HOOK1: variants seen among roughly 807,000 people sequenced by gnomAD.
The protein encoded by HOOK1 is protein Hook homolog 1.
A neutral mutation model predicts 112.8 loss-of-function variants in HOOK1; 60 were observed. That is an observed-to-expected ratio of 0.53 (90% CI 0.43 to 0.66). The LOEUF (loss-of-function observed/expected upper bound fraction) is 0.66. Ranked by LOEUF, HOOK1 falls within the 30% of genes least tolerant of loss-of-function variation. The probability of loss-of-function intolerance (pLI) is 0.00; values close to 1 mark genes in which losing one functional copy is unlikely to be tolerated. For synonymous variants in HOOK1, 294 were observed against 283.8 expected (o/e 1.04, Z -0.36); for missense variants, 770 against 856.0 (o/e 0.90, Z 1.25).
chr1:59,828,669 T>C, intron 2 of HOOK1, 111 bp from the exon 3 acceptor site: 1 of 762,668 alleles, frequency 1.3e-6, no homozygotes, highest in Non-Finnish European at 2.1e-6. Context: ...TTCAGTATTG[T>C]TATTAAGGAT....
intron 3 of HOOK1, among the ~76,000 whole-genome samples, chr1:59,829,789 C>T (rs1388017884): frequency 2.6e-5 from 4 of 151,702 alleles, no homozygotes; most frequent in Non-Finnish European, 5.9e-5. Context: ...TTAACCTGTT[C>T]TTCTTTTTCT....
At chr1:59,851,185 G>A (rs1574207469) in intron 12 of HOOK1, among the ~76,000 whole-genome samples, 1 of 151,408 alleles carries the variant, frequency 6.6e-6, no homozygotes, top group African/African-American at 2.4e-5. Context: ...TGTGAATCTT[G>A]AAATCAGCTT....
intron 12 of HOOK1, among the ~76,000 whole-genome samples, chr1:59,852,651 C>G (rs1390398132): frequency 6.7e-6 from 1 of 149,586 alleles, no homozygotes; most frequent in Non-Finnish European, 1.5e-5. Context: ...TATTTTTACT[C>G]TAATCTTTAA....
intron 2 of HOOK1, among the ~76,000 whole-genome samples, chr1:59,827,490 CT>C (rs766438013): frequency 9.2e-5 from 14 of 152,150 alleles, no homozygotes; most frequent in Non-Finnish European, 1.6e-4. Flanking sequence ...ACAGTTTTGA[CT>C]CATTAACTCG....
chr1:59,858,474 T>C lies in HOOK1; in HGVS notation c.1289T>C (p.Leu430Pro), dbSNP rs1486174763. The change falls in exon 13 of 22, where the codon CTT becomes CCT. Residue 430 changes from leucine to proline, a missense_variant. Coordinates refer to ENST00000371208, the MANE Select transcript of HOOK1 (RefSeq NM_015888.6). ...RDTLKETNEE[L>P]RCSQVQQDHL... is the part of the protein sequence containing the mutation. ...ACTTTGAAAGAAACAAATGAAGAGC[T>C]TCGATGTTCACAAGTACAACAGGAC... 1 of 1,613,544 alleles carries C rather than the reference T, an allele frequency of 6.2e-7. No homozygotes were observed. The highest frequency in any genetic ancestry group is 8.5e-7 in the Non-Finnish European group (1 of 1,179,498).
chr1:59,815,106 G>C lies in HOOK1; in HGVS notation c.-12G>C. The C allele has an allele frequency of 1.3e-6, 2 of 1,539,618 alleles. No individual in the cohort carries two copies. Among genetic ancestry groups the C allele is most frequent in the Non-Finnish European group, 1.7e-6 (2 of 1,146,268 alleles). On this transcript the variant is annotated 5_prime_UTR_variant, in exon 1 of 22. Transcript: ENST00000371208. ...GAAGGTGTCCGCGGCGTCGTCGACGGCGGCGCCGGCCATGGAGGAGACGCA... is the reference window on the plus strand; with the variant it reads ...GAAGGTGTCCGCGGCGTCGTCGACGCCGGCGCCGGCCATGGAGGAGACGCA...
At chr1:59,869,520 G>A (rs140137935) in intron 20 of HOOK1, among the ~76,000 whole-genome samples, 164 of 152,168 alleles carry the variant, frequency 1.1e-3, no homozygotes, top group African/African-American at 3.8e-3. Context: ...AATCATCTAG[G>A]AATGTTATAT....
rs1335898824 is a variant in HOOK1, at chr1:59,836,930, C to G, written c.532C>G (p.Gln178Glu). ...PPNDAVGELE[Q>E]QLKRALEELQ... ...AAATGATGCTGTTGGAGAATTGGAGCAACAGGTGAGTATTTTAGTATGGAA... is the reference window on the plus strand; with the variant it reads ...AAATGATGCTGTTGGAGAATTGGAGGAACAGGTGAGTATTTTAGTATGGAA... The change falls in exon 7 of 22, where the codon CAA (glutamine) becomes GAA (glutamate). Residue 178 changes from glutamine to glutamate, a missense_variant. This residue lies in a region of HOOK1 where 655 missense variants were observed against 725.9 expected (regional missense o/e 0.90). Coordinates refer to ENST00000371208, the MANE Select transcript of HOOK1 (RefSeq NM_015888.6). The G allele has an allele frequency of 5.0e-6, 8 of 1,591,022 alleles. No individual in the cohort carries two copies. Among genetic ancestry groups the G allele is most frequent in the Non-Finnish European group, 6.9e-6 (8 of 1,162,766 alleles).
rs41312662 is a variant in HOOK1, at chr1:59,833,453, A to G, written c.322A>G (p.Ile108Val). ...SEALIPDLNQ[I>V]TECSDPVELG... Reference sequence around the variant, plus strand: ...AGCACTTATCCCTGATTTAAACCAAATAACCGAATGTTCAGATCCAGTGGA... The same window carrying G: ...AGCACTTATCCCTGATTTAAACCAAGTAACCGAATGTTCAGATCCAGTGGA... The change falls in exon 5 of 22, where the codon ATA (isoleucine) becomes GTA (valine). Residue 108 changes from isoleucine (I) to valine (V), a missense_variant. Around this residue, in one of 3 missense-constraint regions of HOOK1, gnomAD observed 655 missense variants for 725.9 expected, o/e 0.90. Transcript: ENST00000371208. The G allele has an allele frequency of 0.024, 38,331 of 1,582,396 alleles. 598 individuals carry two copies. The highest frequency in any genetic ancestry group is 0.029 in the Non-Finnish European group (33,846 of 1,159,128).
chr1:59,832,325 T>C, intron 4 of HOOK1, 112 bp downstream of exon 4: 1 of 657,856 alleles, frequency 1.5e-6, no homozygotes, highest in Non-Finnish European at 2.7e-6. Context: ...ATGTAAGTCA[T>C]AATTAGAACA....
intron 12 of HOOK1, among the ~76,000 whole-genome samples, chr1:59,855,976 ATATATATATTTTTTTTTTT>A (rs2098410445): frequency 2.8e-5 from 2 of 70,608 alleles, no homozygotes; most frequent in Non-Finnish European, 5.4e-5. Context: ...TTATATATAT[ATATATATATTTTTTTTTTT>A]TTTTTTTTTT....
At position 59,835,430 on chromosome 1, in the gene HOOK1, C is replaced by T; in HGVS notation, c.474+18C>T. 7 of 1,434,720 alleles carry T rather than the reference C, an allele frequency of 4.9e-6. No homozygotes were observed. Among genetic ancestry groups the T allele is most frequent in the Non-Finnish European group, 6.8e-6 (7 of 1,030,488 alleles). 88.9% of individuals were successfully genotyped at this position (1,434,720 alleles called of 1,614,324 possible). A position where few individuals can be genotyped will look rare whatever the true frequency, so the allele number is the denominator to read the frequency against. ...TTCAAGAGGTAAGTTATATCATGTT[C>T]CTATGAGTATAAAAATCCTAAACCA... On this transcript the variant is annotated intron_variant, in intron 6 of 21. Transcript: ENST00000371208.
chr1:59,830,307 A>C (rs2098392896), intron 3 of HOOK1, among the ~76,000 whole-genome samples: 1 of 152,002 alleles, frequency 6.6e-6, no homozygotes, highest in Non-Finnish European at 1.5e-5. Flanking sequence ...ATCTCTAATG[A>C]TGATTTCGAT....
At chr1:59,843,349 T>C in intron 8 of HOOK1, 83 bp from the exon 9 acceptor site, 2 of 944,286 alleles carry the variant, frequency 2.1e-6, no homozygotes, top group Non-Finnish European at 3.1e-6. Flanking sequence ...AGATCTAGAA[T>C]CCAGAACTCT....
intron 12 of HOOK1, among the ~76,000 whole-genome samples, chr1:59,853,836 A>G (rs564183560): frequency 1.3e-5 from 2 of 151,334 alleles, no homozygotes; most frequent in African/African-American, 2.4e-5. Flanking sequence ...TTTCAATAGT[A>G]TACTGAAAAC....
In HOOK1 at chr1:59,835,333, T is replaced by C. The variant is rs755102570; in HGVS notation, c.407-12T>C. 2.0e-6 allele frequency: 3 copies of C among 1,509,316 alleles called. No homozygotes were observed. Among genetic ancestry groups the C allele is most frequent in the Non-Finnish European group, 2.8e-6 (3 of 1,088,604 alleles). 93.5% of individuals were successfully genotyped at this position (1,509,316 alleles called of 1,614,324 possible). On this transcript the variant is annotated splice_polypyrimidine_tract_variant and intron_variant, in intron 5 of 21. Transcript: ENST00000371208. Reference sequence around the variant, plus strand: ...GTAGATTTTTTTCAGATTTGATTTTTTTAAATCATAGAACATATTCAAAAT... The same window carrying C: ...GTAGATTTTTTTCAGATTTGATTTTCTTAAATCATAGAACATATTCAAAAT...
At chr1:59,847,610 G>T (rs1029066188) in intron 10 of HOOK1, among the ~76,000 whole-genome samples, 1 of 151,492 alleles carries the variant, frequency 6.6e-6, no homozygotes, top group Non-Finnish European at 1.5e-5. Flanking sequence ...TTTTTTGGGG[G>T]AGGATTGTCA....
In HOOK1 at chr1:59,858,997, CA is replaced by C; in HGVS notation, c.1348del (p.Ser450ValfsTer47). 1 of 1,573,014 alleles carries C rather than the reference CA, an allele frequency of 6.4e-7. No homozygotes were observed. Among genetic ancestry groups the C allele is most frequent in the Non-Finnish European group, 8.7e-7 (1 of 1,147,056 alleles). ...TGTTATTTTTTAGATGCATCTGCTA[CA>C]AAAAGTTATGAGAATCTTGCTGCTG... ...DHLNQTDASA[T>X]KSYENLAAEI... On this transcript the variant is annotated frameshift_variant, in exon 14 of 22. Coordinates refer to ENST00000371208, the MANE Select transcript of HOOK1 (RefSeq NM_015888.6). LOFTEE classifies it high-confidence loss of function.
intron 6 of HOOK1, among the ~76,000 whole-genome samples, chr1:59,836,232 A>AT (rs995152486): frequency 4.6e-5 from 7 of 152,170 alleles, no homozygotes; most frequent in Admixed American, 6.5e-5. Context: ...AGGATTCAGA[A>AT]TTAATGTGGT....
Sources: gnomAD v4.1 joint callset for allele counts (sites outside exome capture counted in the v4.1 genomes callset) on GRCh38, gnomAD v4.1.1 for gene constraint, gnomAD v4.1.1 regional missense constraint, MANE v1.5 for transcripts, NCBI Gene and HGNC (gene_info 2026-07-23, HGNC 2026-07-21) for gene names.